GULP1: variants seen among roughly 807,000 people sequenced by gnomAD.
The protein encoded by GULP1 is PTB domain-containing engulfment adapter protein 1.
A neutral mutation model predicts 40.9 loss-of-function variants in GULP1; 19 were observed. The ratio of observed to expected loss-of-function variants is 0.46; its 90% CI spans 0.32 to 0.68. GULP1 has a LOEUF of 0.68. Ranked by LOEUF, GULP1 falls within the 30% of genes least tolerant of loss-of-function variation. The pLI is 0.03. For missense variants in GULP1, 312 were observed against 362.2 expected, an observed-to-expected ratio of 0.86 and a Z score of 1.12; for synonymous variants, 119 against 117.6, an observed-to-expected ratio of 1.01 and a Z score of -0.08.
chr2:188,576,128 T>G (rs926648021), intron 9 of GULP1, among the ~76,000 whole-genome samples: 1 of 152,098 alleles, frequency 6.6e-6, no homozygotes, highest in Non-Finnish European at 1.5e-5. Context: ...GAATCAATAT[T>G]TCACTTTTGC....
chr2:188,348,087 T>G (rs2152267047), intron 1 of GULP1, among the ~76,000 whole-genome samples: 1 of 152,326 alleles, frequency 6.6e-6, no homozygotes, highest in East Asian at 1.9e-4. Context: ...TAACTTATTG[T>G]GAAACTTTTG....
intron 2 of GULP1, among the ~76,000 whole-genome samples, chr2:188,413,518 C>T (rs772840566): frequency 1.1e-4 from 17 of 152,226 alleles, no homozygotes; most frequent in Middle Eastern, 3.4e-3. Flanking sequence ...ATCCTTTGCC[C>T]ACTTTTTGAT....
chr2:188,462,218 T>G (rs777047532), intron 2 of GULP1, among the ~76,000 whole-genome samples: 8 of 152,160 alleles, frequency 5.3e-5, no homozygotes, highest in Non-Finnish European at 7.4e-5. Flanking sequence ...GTGTAATTTT[T>G]ATGTCTTTAT....
Position 188,291,919 on chromosome 2 carries a change from C to T in GULP1, c.-419C>T, listed in dbSNP as rs1390151139. 6.6e-6 allele frequency: 1 copy of T among 152,350 alleles called. No homozygotes were observed. Among genetic ancestry groups the T allele is most frequent in the Non-Finnish European group, 1.5e-5 (1 of 68,274 alleles). 9.4% of individuals were successfully genotyped at this position (152,350 alleles called of 1,614,324 possible). A position where few individuals can be genotyped will look rare whatever the true frequency, so the allele number is the denominator to read the frequency against. Reference sequence around the variant, plus strand: ...CGGAGTCCCCAGCCCCGCGTCCCAGCTGCCGCCAGCGCCAGTTTTGGATTC... The same window carrying T: ...CGGAGTCCCCAGCCCCGCGTCCCAGTTGCCGCCAGCGCCAGTTTTGGATTC... On this transcript the variant is annotated 5_prime_UTR_variant, in exon 1 of 12. Transcript: ENST00000409830.
intron 1 of GULP1, among the ~76,000 whole-genome samples, chr2:188,297,915 CT>C (rs2035335870): frequency 6.6e-6 from 1 of 151,976 alleles, no homozygotes; most frequent in African/African-American, 2.4e-5. Flanking sequence ...ATTTTAGCTT[CT>C]CAATTTTTTT....
At chr2:188,411,429 C>T (rs1023573764) in intron 2 of GULP1, among the ~76,000 whole-genome samples, 8 of 152,138 alleles carry the variant, frequency 5.3e-5, no homozygotes, top group Non-Finnish European at 1.2e-4. Context: ...TTGCTGAGCC[C>T]ATGCCTAACC....
intron 2 of GULP1, among the ~76,000 whole-genome samples, chr2:188,460,071 T>C (rs1318343569): frequency 6.6e-6 from 1 of 152,216 alleles, no homozygotes; most frequent in Non-Finnish European, 1.5e-5. Flanking sequence ...TGAAGTCAGG[T>C]AATATGATTC....
intron 2 of GULP1, among the ~76,000 whole-genome samples, chr2:188,414,564 G>A (rs1036927065): frequency 6.6e-6 from 1 of 152,170 alleles, no homozygotes; most frequent in Non-Finnish European, 1.5e-5. Context: ...TGAAATATAA[G>A]ATGCTTGCCC....
chr2:188,405,247 C>T (rs1376524682), intron 2 of GULP1, among the ~76,000 whole-genome samples: 1 of 152,180 alleles, frequency 6.6e-6, no homozygotes, highest in Non-Finnish European at 1.5e-5. Flanking sequence ...AAGTTGGTCC[C>T]CAAAGCCCCA....
chr2:188,334,676 G>A (rs957092813), intron 1 of GULP1, among the ~76,000 whole-genome samples: 1 of 152,152 alleles, frequency 6.6e-6, no homozygotes, highest in African/African-American at 2.4e-5. Context: ...GTCCATGACC[G>A]ACTATATCAA....
chr2:188,492,636 G>A (rs552438176), intron 4 of GULP1, among the ~76,000 whole-genome samples: 24 of 150,190 alleles, frequency 1.6e-4, no homozygotes, highest in Non-Finnish European at 3.6e-4. Context: ...AGATTCATAG[G>A]AAGAATTAAC....
intron 4 of GULP1, among the ~76,000 whole-genome samples, chr2:188,495,632 A>G (rs1234407479): frequency 6.6e-6 from 1 of 152,070 alleles, no homozygotes; most frequent in African/African-American, 2.4e-5. Context: ...AAAAGTGGAC[A>G]CTACAACTTA....
intron 7 of GULP1, chr2:188,542,089 G>A (rs1396159585): frequency 6.6e-6 from 1 of 151,330 alleles, no homozygotes; most frequent in East Asian, 1.9e-4. Context: ...CCTGGCGGCA[G>A]AGTGAGACTC....
At chr2:188,367,598 G>A (rs1207066141) in intron 1 of GULP1, among the ~76,000 whole-genome samples, 2 of 152,294 alleles carry the variant, frequency 1.3e-5, no homozygotes, top group Admixed American at 6.5e-5. Context: ...TCAGTTTCTG[G>A]AGGGAGGGTG....
chr2:188,351,716 A>T (rs148590541), intron 1 of GULP1, among the ~76,000 whole-genome samples: 1 of 152,168 alleles, frequency 6.6e-6, no homozygotes, highest in African/African-American at 2.4e-5. Flanking sequence ...ACCATGTTAC[A>T]TCAATTTGAA....
chr2:188,345,728 A>G (rs917716983), intron 1 of GULP1, among the ~76,000 whole-genome samples: 2 of 152,208 alleles, frequency 1.3e-5, no homozygotes, highest in African/African-American at 4.8e-5. Context: ...GATTTCATTT[A>G]AGATTAAAAA....
chr2:188,514,797 G>T lies in GULP1; in HGVS notation c.91-7959G>T, dbSNP rs572016466. Among the ~76,000 whole-genome samples, 5 of 152,158 alleles carry T rather than the reference G, an allele frequency of 3.3e-5. No homozygotes were observed. The East Asian group carries it at 9.7e-4, about 29-fold the overall frequency. On this transcript the variant is annotated intron_variant, in intron 4 of 11. Transcript: ENST00000409830. ...CCTGTATGCCTCTTTCAGGTAAATA[G>T]CAATAAAAAATAAACCTTTTGGGAT...
intron 2 of GULP1, among the ~76,000 whole-genome samples, chr2:188,438,269 A>G (rs1300498498): frequency 1.3e-5 from 2 of 151,928 alleles, no homozygotes; most frequent in South Asian, 4.1e-4. Flanking sequence ...TCATCTTCCA[A>G]CATCTTATTG....
chr2:188,573,348 T>C (rs1002963022), intron 9 of GULP1, among the ~76,000 whole-genome samples: 6 of 152,200 alleles, frequency 3.9e-5, no homozygotes, highest in African/African-American at 1.4e-4. Context: ...AATAGTTACC[T>C]GCAATTATTT....
Sources: allele counts gnomAD v4.1 joint callset (sites outside exome capture counted in the v4.1 genomes callset), GRCh38; gene constraint gnomAD v4.1.1; transcripts MANE v1.5; gene names NCBI Gene and HGNC (gene_info 2026-07-23, HGNC 2026-07-21).